AGBL4: variants seen among roughly 807,000 people sequenced by gnomAD.
The protein encoded by AGBL4 is AGBL carboxypeptidase 4.
In AGBL4, 58 loss-of-function variants were observed where a neutral mutation model predicts 66.4. That is an observed-to-expected ratio of 0.87 (90% CI 0.71 to 1.09). The LOEUF (loss-of-function observed/expected upper bound fraction) is 1.09. AGBL4 is among the 50% of genes least tolerant of loss of function. The pLI is 0.00. For synonymous variants in AGBL4, 234 were observed against 222.9 expected, an observed-to-expected ratio of 1.05 and a Z score of -0.44; for missense variants, 579 against 631.0, an observed-to-expected ratio of 0.92 and a Z score of 0.88.
At chr1:48,697,589 T>C (rs1306558079) in intron 6 of AGBL4, among the ~76,000 whole-genome samples, 1 of 152,212 alleles carries the variant, frequency 6.6e-6, no homozygotes, top group African/African-American at 2.4e-5. Flanking sequence ...CAAAAACTAA[T>C]CCAGATGAAT....
chr1:49,918,768 G>A (rs1370593355), intron 1 of AGBL4, among the ~76,000 whole-genome samples: 7 of 152,074 alleles, frequency 4.6e-5, no homozygotes, highest in South Asian at 2.1e-4. Context: ...CCAAAGACTG[G>A]CAGAGACACA....
intron 3 of AGBL4, among the ~76,000 whole-genome samples, chr1:49,291,224 A>G (rs924322775): frequency 6.6e-6 from 1 of 152,234 alleles, no homozygotes; most frequent in Non-Finnish European, 1.5e-5. Context: ...AGACCCAGGT[A>G]GCTTCATTGA....
intron 5 of AGBL4, among the ~76,000 whole-genome samples, chr1:48,887,905 A>G (rs1650531772): frequency 6.6e-6 from 1 of 152,198 alleles, no homozygotes; most frequent in African/African-American, 2.4e-5. Flanking sequence ...GGCACAGGGT[A>G]GATGATCAGT....
At chr1:49,612,354 A>T (rs996958824) in intron 3 of AGBL4, among the ~76,000 whole-genome samples, 2 of 152,174 alleles carry the variant, frequency 1.3e-5, no homozygotes, top group Non-Finnish European at 2.9e-5. Flanking sequence ...CCAGAAATTT[A>T]TTTTTATTAC....
chr1:48,671,295 A>G (rs1646272761), intron 6 of AGBL4, among the ~76,000 whole-genome samples: 1 of 152,262 alleles, frequency 6.6e-6, no homozygotes, highest in Non-Finnish European at 1.5e-5. Context: ...TGTTAAATTC[A>G]GTTCATATTT....
At chr1:48,803,052 A>C (rs1323204383) in intron 6 of AGBL4, among the ~76,000 whole-genome samples, 3 of 152,172 alleles carry the variant, frequency 2.0e-5, no homozygotes, top group Non-Finnish European at 2.9e-5. Context: ...GGCTAATGTG[A>C]GCTTGATTAT....
intron 1 of AGBL4, among the ~76,000 whole-genome samples, chr1:49,988,318 A>G (rs1412604413): frequency 6.6e-6 from 1 of 152,138 alleles, no homozygotes; most frequent in Non-Finnish European, 1.5e-5. Flanking sequence ...GTATTTGAGA[A>G]TACCAAAAGG....
At chr1:48,996,666 T>C (rs555053628) in intron 5 of AGBL4, among the ~76,000 whole-genome samples, 16 of 152,108 alleles carry the variant, frequency 1.1e-4, no homozygotes, top group Admixed American at 3.9e-4. Context: ...ATGTTGTGAA[T>C]TAAAGTTAAG....
At chr1:49,293,168 G>A (rs34002388) in intron 3 of AGBL4, among the ~76,000 whole-genome samples, 14,078 of 152,260 alleles carry the variant, frequency 0.092, 898 homozygotes, top group East Asian at 0.31. Flanking sequence ...GCCACACAGA[G>A]AGCCATCTGT....
chr1:48,983,621 C>CTG (rs1422242522), intron 5 of AGBL4, among the ~76,000 whole-genome samples: 1 of 152,102 alleles, frequency 6.6e-6, no homozygotes, highest in East Asian at 1.9e-4. Context: ...TTCATAAATG[C>CTG]ATTCATTCAT....
At chr1:49,109,168 C>T (rs1645356840) in intron 4 of AGBL4, among the ~76,000 whole-genome samples, 1 of 152,186 alleles carries the variant, frequency 6.6e-6, no homozygotes, top group Non-Finnish European at 1.5e-5. Flanking sequence ...AGGAATTCAT[C>T]TTCTCTCCTC....
chr1:49,733,811 C>G (rs1316646965), intron 2 of AGBL4, among the ~76,000 whole-genome samples: 1 of 150,246 alleles, frequency 6.7e-6, no homozygotes, highest in African/African-American at 2.5e-5. Flanking sequence ...ACAACCAAAG[C>G]CAGGCAATGG....
intron 3 of AGBL4, among the ~76,000 whole-genome samples, chr1:49,361,406 A>T (rs1570522476): frequency 6.6e-6 from 1 of 152,076 alleles, no homozygotes; most frequent in East Asian, 1.9e-4. Flanking sequence ...GCTCACTGCA[A>T]CCTCCGCCTC....
intron 3 of AGBL4, among the ~76,000 whole-genome samples, chr1:49,652,669 A>G (rs1458449055): frequency 6.6e-6 from 1 of 152,140 alleles, no homozygotes; most frequent in Non-Finnish European, 1.5e-5. Flanking sequence ...AGACTGGGCA[A>G]TTTGGACAAG....
intron 4 of AGBL4, among the ~76,000 whole-genome samples, chr1:49,083,129 CTGGTGT>C (rs563805484): frequency 1.3e-3 from 196 of 152,268 alleles, no homozygotes; most frequent in African/African-American, 4.5e-3. Context: ...CTTTCATGGG[CTGGTGT>C]TGAGTGTCTA....
At chr1:48,667,493 T>A (rs1453329876) in intron 6 of AGBL4, among the ~76,000 whole-genome samples, 2 of 152,226 alleles carry the variant, frequency 1.3e-5, no homozygotes, top group African/African-American at 2.4e-5. Context: ...GACAGCCTAC[T>A]GCAACTTCAC....
intron 10 of AGBL4, among the ~76,000 whole-genome samples, chr1:48,587,594 C>T (rs910429727): frequency 1.3e-5 from 2 of 151,042 alleles, no homozygotes; most frequent in African/African-American, 2.4e-5. Context: ...GAGACCATGT[C>T]TCTATTCTTT....
chr1:48,954,064 A>G (rs74076742), intron 5 of AGBL4, among the ~76,000 whole-genome samples: 110 of 152,300 alleles, frequency 7.2e-4, no homozygotes, highest in African/African-American at 2.5e-3. Flanking sequence ...CTGCTAGGCC[A>G]CACCCTTCCT....
intron 5 of AGBL4, among the ~76,000 whole-genome samples, chr1:48,972,753 A>C (rs1659011824): frequency 6.6e-6 from 1 of 152,180 alleles, no homozygotes; most frequent in Non-Finnish European, 1.5e-5. Context: ...GTTAGAAAGA[A>C]TTGTTCATTT....
Sources: gnomAD v4.1 joint callset for allele counts (sites outside exome capture counted in the v4.1 genomes callset) on GRCh38, gnomAD v4.1.1 for gene constraint, MANE v1.5 for transcripts, NCBI Gene and HGNC (gene_info 2026-07-23, HGNC 2026-07-21) for gene names.